Variants in CBL observed in about 807,000 individuals in gnomAD.
The protein encoded by CBL is Cbl proto-oncogene, also known as E3 ubiquitin-protein ligase CBL.
A neutral mutation model predicts 96.9 loss-of-function variants in CBL; 45 were observed. That is an observed-to-expected ratio of 0.46 (90% CI 0.37 to 0.60). The LOEUF (loss-of-function observed/expected upper bound fraction) is 0.60. Among genes scored for constraint, CBL ranks in the 20% least tolerant of loss-of-function variants. The pLI, the probability that CBL is intolerant of heterozygous loss-of-function variation, is 0.00. For missense variants in CBL, 1,024 were observed against 1,143.5 expected (o/e 0.90, Z 1.51); for synonymous variants, 420 against 426.8 (o/e 0.98, Z 0.20).
At chr11:119,296,347 A>G (rs1021541303) in intron 12 of CBL, among the ~76,000 whole-genome samples, 24 of 152,104 alleles carry the variant, frequency 1.6e-4, no homozygotes, top group African/African-American at 5.8e-4. Flanking sequence ...TCTTGTTTCC[A>G]AAGTTTCTGG....
intron 2 of CBL, among the ~76,000 whole-genome samples, chr11:119,257,458 T>C (rs73003084): frequency 8.9e-4 from 135 of 152,304 alleles, no homozygotes; most frequent in Non-Finnish European, 1.2e-3. Flanking sequence ...ATGGGATTAT[T>C]TGTTGTTGTT....
intron 6 of CBL, among the ~76,000 whole-genome samples, chr11:119,277,241 G>GCGCA (rs1035208999): frequency 1.5e-4 from 22 of 146,386 alleles, no homozygotes; most frequent in African/African-American, 5.1e-4. Context: ...AATCTGTCGC[G>GCGCA]CACACACACA....
At chr11:119,258,025 G>A (rs1408226086) in intron 2 of CBL, among the ~76,000 whole-genome samples, 2 of 151,972 alleles carry the variant, frequency 1.3e-5, no homozygotes, top group East Asian at 1.9e-4. Context: ...TCAGGAGTTC[G>A]AGACCACCCT....
intron 13 of CBL, 117 bp from the exon 14 acceptor site, chr11:119,297,265 CAA>C (rs1950070610): frequency 2.3e-6 from 2 of 873,944 alleles, no homozygotes; most frequent in East Asian, 4.9e-5. Flanking sequence ...TAACTTGCCA[CAA>C]GAGTCAACTT....
intron 2 of CBL, among the ~76,000 whole-genome samples, chr11:119,249,807 A>G (rs1949658222): frequency 6.6e-6 from 1 of 151,864 alleles, no homozygotes; most frequent in South Asian, 2.1e-4. Context: ...ACAGGCACAC[A>G]CTACCATACA....
intron 12 of CBL, 86 bp from the exon 13 acceptor site, chr11:119,296,832 A>T (rs1165868036): frequency 6.8e-6 from 5 of 737,602 alleles, no homozygotes; most frequent in Non-Finnish European, 9.8e-6. Flanking sequence ...AATTTGAGTT[A>T]TGTCTGTTTT....
chr11:119,228,986 G>C (rs894632463), intron 1 of CBL, among the ~76,000 whole-genome samples: 5 of 151,748 alleles, frequency 3.3e-5, no homozygotes, highest in Non-Finnish European at 7.4e-5. Flanking sequence ...AATTTTTTTT[G>C]TATTTTTTAG....
At chr11:119,229,430 T>C (rs1949484247) in intron 1 of CBL, among the ~76,000 whole-genome samples, 1 of 152,212 alleles carries the variant, frequency 6.6e-6, no homozygotes, top group East Asian at 1.9e-4. Context: ...TTTTGTTGAT[T>C]CAGCTTGTCT....
At chr11:119,262,692 AG>A (rs1949763346) in intron 2 of CBL, among the ~76,000 whole-genome samples, 1 of 152,202 alleles carries the variant, frequency 6.6e-6, no homozygotes, top group Non-Finnish European at 1.5e-5. Flanking sequence ...TCTGCCCTTA[AG>A]GAGTTGTCTT....
At chr11:119,263,028 G>C (rs1162688779) in intron 2 of CBL, among the ~76,000 whole-genome samples, 2 of 152,194 alleles carry the variant, frequency 1.3e-5, no homozygotes, top group Non-Finnish European at 2.9e-5. Context: ...GATACGGTTA[G>C]TAATTCCTAT....
chr11:119,207,948 G>A (rs1489803821), intron 1 of CBL, among the ~76,000 whole-genome samples: 1 of 152,170 alleles, frequency 6.6e-6, no homozygotes, highest in Non-Finnish European at 1.5e-5. Context: ...AATAAGTCCT[G>A]TGTGTGAATT....
chr11:119,244,097 C>T (rs568380475), intron 2 of CBL, among the ~76,000 whole-genome samples: 6 of 152,240 alleles, frequency 3.9e-5, no homozygotes, highest in African/African-American at 1.2e-4. Flanking sequence ...TTCACAAGAA[C>T]AGTTCTGAAA....
At chr11:119,277,157 G>C (rs901238159) in intron 6 of CBL, among the ~76,000 whole-genome samples, 17 of 151,810 alleles carry the variant, frequency 1.1e-4, no homozygotes, top group African/African-American at 4.1e-4. Flanking sequence ...TGAGGCAGGA[G>C]AATCACTTGA....
At chr11:119,268,153 T>C (rs1387417135) in intron 2 of CBL, among the ~76,000 whole-genome samples, 2 of 152,236 alleles carry the variant, frequency 1.3e-5, no homozygotes, top group African/African-American at 4.8e-5. Context: ...TTTTATCCCA[T>C]TGGCTGTGAA....
chr11:119,208,039 TA>T (rs1949287934), intron 1 of CBL, among the ~76,000 whole-genome samples: 1 of 152,228 alleles, frequency 6.6e-6, no homozygotes, highest in African/African-American at 2.4e-5. Context: ...ATTGGTATTG[TA>T]ATTAATGACA....
At chr11:119,272,744 C>G (rs184380701) in intron 3 of CBL, among the ~76,000 whole-genome samples, 1 of 152,102 alleles carries the variant, frequency 6.6e-6, no homozygotes, top group African/African-American at 2.4e-5. Context: ...GATTCTTATT[C>G]TTACTTGCCT....
Position 119,306,624 on chromosome 11 carries a change from A to G in CBL, c.*6843A>G, listed in dbSNP as rs575391558. The G allele has an allele frequency of 5.6e-5, 20 of 356,148 alleles. No individual in the cohort carries two copies. The South Asian group carries it at 2.9e-3, about 51-fold the overall frequency. The allele number at this position is 356,148 out of a possible 1,614,324, so 22.1% of individuals were successfully genotyped here. A position where few individuals can be genotyped will look rare whatever the true frequency, so the allele number is the denominator to read the frequency against. ...GGGTGGCCATGCTTATGGCCATCTT[A>G]AAACTGGAGAGGCAGAGAACTACTT... On this transcript the variant is annotated 3_prime_UTR_variant, in exon 16 of 16. Coordinates refer to ENST00000264033, the MANE Select transcript of CBL (RefSeq NM_005188.4).
At chr11:119,284,387 T>G (rs1949964376) in intron 9 of CBL, among the ~76,000 whole-genome samples, 1 of 151,972 alleles carries the variant, frequency 6.6e-6, no homozygotes, top group African/African-American at 2.4e-5. Flanking sequence ...TTCACTGCAG[T>G]CTCAAACTCC....
intron 2 of CBL, among the ~76,000 whole-genome samples, chr11:119,237,940 T>C (rs1949557550): frequency 6.6e-6 from 1 of 152,072 alleles, no homozygotes; most frequent in Non-Finnish European, 1.5e-5. Flanking sequence ...GGCGCCATCT[T>C]GGCTCACTGC....
Sources: gnomAD v4.1 joint callset for allele counts (sites outside exome capture counted in the v4.1 genomes callset) on GRCh38, gnomAD v4.1.1 for gene constraint, MANE v1.5 for transcripts, NCBI Gene and HGNC (gene_info 2026-07-23, HGNC 2026-07-21) for gene names.